Variants in BIRC6 observed in about 807,000 individuals in gnomAD.
BIRC6 encodes baculoviral IAP repeat containing 6.
In BIRC6, 98 loss-of-function variants were observed where a neutral mutation model predicts 503.3. The ratio of observed to expected loss-of-function variants is 0.19; its 90% CI spans 0.17 to 0.23. The LOEUF (loss-of-function observed/expected upper bound fraction) is 0.23, where lower values mean the gene tolerates loss of function less well. Ranked by LOEUF, BIRC6 falls within the 10% of genes least tolerant of loss-of-function variation. The probability of loss-of-function intolerance (pLI) is 1.00; values close to 1 mark genes in which losing one functional copy is unlikely to be tolerated. For missense variants in BIRC6, 5,360 were observed against 5,806.0 expected (o/e 0.92, Z 2.50); for synonymous variants, 2,240 against 2,078.7 (o/e 1.08, Z -2.11).
chr2:32,545,582 G>A, intron 62 of BIRC6, 61 bp from the exon 63 acceptor site: 1 of 1,382,266 alleles, frequency 7.2e-7, no homozygotes, highest in Non-Finnish European at 1.0e-6. Flanking sequence ...GACCCTGTAT[G>A]TAACTTCTTA....
At chr2:32,375,364 A>G (rs1336988913) in intron 1 of BIRC6, among the ~76,000 whole-genome samples, 1 of 152,122 alleles carries the variant, frequency 6.6e-6, no homozygotes, top group East Asian at 1.9e-4. Context: ...TCTTTTACCA[A>G]TAAGTATGTT....
At chr2:32,421,463 TTAAAGCCA>T (rs1283871883) in intron 10 of BIRC6, among the ~76,000 whole-genome samples, 68 of 152,332 alleles carry the variant, frequency 4.5e-4, no homozygotes, top group African/African-American at 1.6e-3. Context: ...TATAGGAAAT[TTAAAGCCA>T]TAAATATTTT....
intron 67 of BIRC6, 144 bp from the exon 68 acceptor site, chr2:32,594,890 G>A (rs559722330): frequency 3.8e-5 from 18 of 474,018 alleles, no homozygotes; most frequent in South Asian, 3.7e-4. Flanking sequence ...TTCTCAGAGC[G>A]GTTGTAATAA....
chr2:32,594,702 A>AGATGGATGGATGGATG (rs60252004), intron 67 of BIRC6, among the ~76,000 whole-genome samples: 25 of 148,960 alleles, frequency 1.7e-4, no homozygotes, highest in Non-Finnish European at 2.8e-4. Context: ...GTTTCCAGAT[A>AGATGGATGGATGGATG]GATGGATGGA....
At chr2:32,375,609 C>T (rs959353056) in intron 1 of BIRC6, among the ~76,000 whole-genome samples, 1 of 152,134 alleles carries the variant, frequency 6.6e-6, no homozygotes, top group African/African-American at 2.4e-5. Flanking sequence ...TTGCTTGATA[C>T]GTACCATAGA....
At chr2:32,609,706 C>T (rs925690597) in intron 72 of BIRC6, among the ~76,000 whole-genome samples, 3 of 149,298 alleles carry the variant, frequency 2.0e-5, no homozygotes, top group African/African-American at 7.4e-5. Context: ...GCAAAGATCG[C>T]GCCACGGCAC....
chr2:32,372,883 T>C (rs1056728218), intron 1 of BIRC6, among the ~76,000 whole-genome samples: 1 of 152,158 alleles, frequency 6.6e-6, no homozygotes, highest in Non-Finnish European at 1.5e-5. Context: ...CAATGTTTGA[T>C]GATTATAAAT....
At chr2:32,498,179 A>C (rs2052714977) in intron 45 of BIRC6, among the ~76,000 whole-genome samples, 1 of 152,060 alleles carries the variant, frequency 6.6e-6, no homozygotes, top group Non-Finnish European at 1.5e-5. Flanking sequence ...TTCGTGCCTT[A>C]ACTTGCCGAA....
rs750066420 is a variant in BIRC6 at position 32,357,213 on chromosome 2, C to T, written c.52C>T (p.Pro18Ser). The T allele has an allele frequency of 6.5e-7, 1 of 1,537,496 alleles. No individual in the cohort carries two copies. Among genetic ancestry groups the T allele is most frequent in the South Asian group, 1.2e-5 (1 of 82,832 alleles). The change falls in exon 1 of 74, where the codon CCC becomes TCC. Residue 18 changes from proline (P) to serine (S), a missense_variant. Transcript: ENST00000421745. The surrounding 1 kb of genome is among the most constrained non-coding windows in gnomAD (Gnocchi z 4.9). ...TCCCGGGACTGTCACTGAGCCGCTT[C>T]CCAGTGTGATTGTGCTGAGCGCAGG... ...APPGTVTEPL[P>S]SVIVLSAGRK...
chr2:32,395,940 C>G (rs182836660), intron 6 of BIRC6, among the ~76,000 whole-genome samples: 1 of 152,006 alleles, frequency 6.6e-6, no homozygotes, highest in African/African-American at 2.4e-5. Context: ...ATGGAGAGAG[C>G]CTTATAGTAT....
chr2:32,468,588 A>T lies in BIRC6; in HGVS notation c.5932A>T (p.Ile1978Phe), dbSNP rs760872016. ...GGTTTTTTCTGCTTATCAAGATTGT[A>T]TTCAGCTACAGCTTCAACTAAATTT... ...SRVFSAYQDC[I>F]QLQLQLNLAH... Residue 1978 changes from isoleucine to phenylalanine, a missense_variant, in exon 29 of 74, where the codon ATT (isoleucine) becomes TTT (phenylalanine). This residue lies in a region of BIRC6 where 2,299 missense variants were observed against 2,267.2 expected (regional missense o/e 1.01). Transcript: ENST00000421745. 6.2e-7 allele frequency: 1 copy of T among 1,613,922 alleles called. No individual in the cohort carries two copies. Among genetic ancestry groups the T allele is most frequent in the African/African-American group, 1.3e-5 (1 of 74,944 alleles).
intron 68 of BIRC6, among the ~76,000 whole-genome samples, 187 bp from the exon 69 acceptor site, chr2:32,597,564 C>G (rs533839004): frequency 2.8e-4 from 42 of 152,278 alleles, no homozygotes; most frequent in Admixed American, 9.8e-4. Context: ...GTCCATCCAT[C>G]TGGCAGTGCT....
At chr2:32,500,627 A>G (rs1448823577) in intron 46 of BIRC6, among the ~76,000 whole-genome samples, 2 of 111,478 alleles carry the variant, frequency 1.8e-5, no homozygotes, top group East Asian at 6.2e-4. Flanking sequence ...TTTTTTTGAG[A>G]TGAAGTCTTG....
Position 32,575,247 on chromosome 2 carries a change from G to A in BIRC6, c.13236G>A (p.Leu4412=), listed in dbSNP as rs1487809972. Residue 4412 remains leucine (L), a synonymous_variant, in exon 66 of 74, where the codon TTG becomes TTA. Coordinates refer to ENST00000421745, the MANE Select transcript of BIRC6 (RefSeq NM_016252.4). ...CTTGTGCTGCCATGGTGCCCCTATT[G>A]TTGCCCCTTTCTACAGAGAACGGTG... ...IASCAAMVPL[L]LPLSTENGEE... 6.2e-7 allele frequency: 1 copy of A among 1,613,978 alleles called. No individual in the cohort carries two copies. The highest frequency in any genetic ancestry group is 8.5e-7 in the Non-Finnish European group (1 of 1,179,894).
chr2:32,442,345 C>T lies in BIRC6; in HGVS notation c.4128C>T (p.Asn1376=). 1 of 1,612,962 alleles carries T rather than the reference C, an allele frequency of 6.2e-7. No homozygotes were observed. Among genetic ancestry groups the T allele is most frequent in the African/African-American group, 1.3e-5 (1 of 75,008 alleles). Residue 1376 remains asparagine (N), a synonymous_variant, in exon 19 of 74, where the codon AAC becomes AAT. Coordinates refer to ENST00000421745, the MANE Select transcript of BIRC6 (RefSeq NM_016252.4). ...GPGSSKEGNE[N]LLSKTRKFLS... Reference sequence around the variant, plus strand: ...GCAGCTCAAAGGAAGGAAATGAGAACCTACTTTCAAAAACACGAAAATTTC... The same window carrying T: ...GCAGCTCAAAGGAAGGAAATGAGAATCTACTTTCAAAAACACGAAAATTTC...
At position 32,468,738 on chromosome 2, in the gene BIRC6, A is replaced by G. The variant is rs1266525295; in HGVS notation, c.6082A>G (p.Arg2028Gly). 2 of 1,611,850 alleles carry G rather than the reference A, an allele frequency of 1.2e-6. No individual in the cohort carries two copies. The highest frequency in any genetic ancestry group is 1.3e-5 in the African/African-American group (1 of 74,914). The change falls in exon 29 of 74, where the codon AGA (arginine) becomes GGA (glycine). Residue 2028 changes from arginine (R) to glycine (G), a missense_variant. Arg to Gly is a moderately radical substitution (Grantham distance 125). This residue lies in a region of BIRC6 where 2,299 missense variants were observed against 2,267.2 expected (regional missense o/e 1.01). Coordinates refer to ENST00000421745, the MANE Select transcript of BIRC6 (RefSeq NM_016252.4). ...SSTEQLRTII[R>G]YLLDTLLSLL... The stretch of plus-strand genomic sequence containing the variant: ...CACAGAGCAGTTACGTACTATCATC[A>G]GATATTTACTGGACACTTTGCTCAG...
At chr2:32,588,389 T>C (rs1417278191) in intron 66 of BIRC6, among the ~76,000 whole-genome samples, 1 of 152,152 alleles carries the variant, frequency 6.6e-6, no homozygotes, top group East Asian at 1.9e-4. Flanking sequence ...TCTGAAATTT[T>C]CTTAATTATT....
intron 29 of BIRC6, among the ~76,000 whole-genome samples, chr2:32,469,064 A>T (rs1370407753): frequency 6.6e-6 from 1 of 152,142 alleles, no homozygotes; most frequent in African/African-American, 2.4e-5. Flanking sequence ...GAACAGTGAA[A>T]CTTTTCATAA....
chr2:32,509,347 C>A (rs1423787915), intron 51 of BIRC6, among the ~76,000 whole-genome samples: 1 of 152,056 alleles, frequency 6.6e-6, no homozygotes, highest in East Asian at 1.9e-4. Flanking sequence ...TTCTGCCTCC[C>A]GAGTTCAAAT....
Sources: gnomAD v4.1 joint callset for allele counts (sites outside exome capture counted in the v4.1 genomes callset) on GRCh38, gnomAD v4.1.1 for gene constraint, gnomAD v4.1.1 regional missense constraint, Gnocchi (gnomAD v3.1) non-coding constraint, MANE v1.5 for transcripts, NCBI Gene and HGNC (gene_info 2026-07-23, HGNC 2026-07-21) for gene names.